HS6ST3: variants seen among roughly 807,000 people sequenced by gnomAD.
HS6ST3 encodes the protein heparan sulfate 6-O-sulfotransferase 3.
A neutral mutation model predicts 36.7 loss-of-function variants in HS6ST3; 12 were observed. The observed-to-expected ratio is 0.33, with a 90% CI of 0.21 to 0.53. The LOEUF is 0.53. HS6ST3 is among the 20% of genes least tolerant of loss of function. The pLI is 0.95. For missense variants in HS6ST3, 584 were observed against 640.9 expected (o/e 0.91, Z 0.96); for synonymous variants, 240 against 257.5 (o/e 0.93, Z 0.65).
intron 1 of HS6ST3, among the ~76,000 whole-genome samples, chr13:96,752,640 A>G (rs1355787319): frequency 6.6e-6 from 1 of 151,948 alleles, no homozygotes; most frequent in East Asian, 1.9e-4. Flanking sequence ...TCATTTTTCT[A>G]CACAATCATT....
At chr13:96,582,855 G>GA (rs1273207871) in intron 1 of HS6ST3, among the ~76,000 whole-genome samples, 2 of 152,110 alleles carry the variant, frequency 1.3e-5, no homozygotes, top group African/African-American at 2.4e-5. Context: ...TAAAATGCAG[G>GA]AAGCCCAGTT....
chr13:96,436,834 A>G (rs1226510036), intron 1 of HS6ST3, among the ~76,000 whole-genome samples: 1 of 152,150 alleles, frequency 6.6e-6, no homozygotes, highest in East Asian at 1.9e-4. Context: ...TGTTTAAGCC[A>G]CCCAGTCCAT....
At chr13:96,517,650 A>G (rs996392913) in intron 1 of HS6ST3, among the ~76,000 whole-genome samples, 1 of 152,084 alleles carries the variant, frequency 6.6e-6, no homozygotes, top group Non-Finnish European at 1.5e-5. Context: ...TTTGCTACAT[A>G]GGTAAACTTG....
At chr13:96,703,662 C>T (rs183296036) in intron 1 of HS6ST3, among the ~76,000 whole-genome samples, 54 of 152,244 alleles carry the variant, frequency 3.5e-4, no homozygotes, top group African/African-American at 1.3e-3. Context: ...GGGCATTTTA[C>T]AAAGGATTCT....
intron 1 of HS6ST3, among the ~76,000 whole-genome samples, chr13:96,466,511 A>G (rs1300074257): frequency 6.6e-6 from 1 of 152,148 alleles, no homozygotes; most frequent in Non-Finnish European, 1.5e-5. Flanking sequence ...TCCACATGTA[A>G]CTGAAATCAT....
At chr13:96,099,839 A>G (rs1348265068) in intron 1 of HS6ST3, among the ~76,000 whole-genome samples, 6 of 152,224 alleles carry the variant, frequency 3.9e-5, no homozygotes, top group African/African-American at 1.4e-4. Context: ...AACCTGAGAG[A>G]TGGCATCTGT....
At chr13:96,602,685 T>A (rs1051198991) in intron 1 of HS6ST3, among the ~76,000 whole-genome samples, 1 of 152,168 alleles carries the variant, frequency 6.6e-6, no homozygotes, top group African/African-American at 2.4e-5. Context: ...CGCCATACTA[T>A]CCTGAAGCCT....
At chr13:96,106,857 G>A (rs1471900851) in intron 1 of HS6ST3, among the ~76,000 whole-genome samples, 1 of 152,188 alleles carries the variant, frequency 6.6e-6, no homozygotes, top group Non-Finnish European at 1.5e-5. Context: ...CTTAGAAGTT[G>A]GGAAAACACA....
chr13:96,675,238 A>T (rs1414687800), intron 1 of HS6ST3, among the ~76,000 whole-genome samples: 1 of 152,046 alleles, frequency 6.6e-6, no homozygotes, highest in East Asian at 1.9e-4. Context: ...ATCACCCTAA[A>T]TCTCTATCTA....
chr13:96,699,882 G>A (rs1875239150), intron 1 of HS6ST3, among the ~76,000 whole-genome samples: 1 of 152,170 alleles, frequency 6.6e-6, no homozygotes, highest in Admixed American at 6.5e-5. Context: ...ATATGCAGAA[G>A]CAAACACAAA....
intron 1 of HS6ST3, among the ~76,000 whole-genome samples, chr13:96,793,331 C>T (rs1203062927): frequency 1.3e-5 from 2 of 152,004 alleles, no homozygotes; most frequent in African/African-American, 2.4e-5. Context: ...GAGAGGTTCT[C>T]CTCACCATTC....
chr13:96,244,012 C>G lies in HS6ST3; in HGVS notation c.707+152443C>G, dbSNP rs371017866. Reference sequence around the variant, plus strand: ...TCAAGATAAACAAACTAAAAAAGGCCCCCCCGAGAATCTTAATTTGTTCAA... The same window carrying G: ...TCAAGATAAACAAACTAAAAAAGGCGCCCCCGAGAATCTTAATTTGTTCAA... On this transcript the variant is annotated intron_variant, in intron 1 of 1. Transcript: ENST00000376705. Among the ~76,000 whole-genome samples, 17 of 150,330 alleles carry G rather than the reference C, an allele frequency of 1.1e-4. 2 individuals carry two copies. Among genetic ancestry groups the G allele is most frequent in the East Asian group, 7.9e-4 (4 of 5,086 alleles).
chr13:96,149,237 A>G (rs1341494348), intron 1 of HS6ST3, among the ~76,000 whole-genome samples: 2 of 152,156 alleles, frequency 1.3e-5, no homozygotes, highest in Non-Finnish European at 2.9e-5. Flanking sequence ...GATACAGTAG[A>G]AAACTATTCT....
intron 1 of HS6ST3, among the ~76,000 whole-genome samples, chr13:96,149,452 C>A (rs1260408892): frequency 6.6e-6 from 1 of 152,096 alleles, no homozygotes; most frequent in Non-Finnish European, 1.5e-5. Flanking sequence ...AAAATGCTCA[C>A]CTCTTATTAA....
intron 1 of HS6ST3, among the ~76,000 whole-genome samples, chr13:96,724,867 T>C (rs1208024890): frequency 6.6e-6 from 1 of 152,234 alleles, no homozygotes; most frequent in African/African-American, 2.4e-5. Flanking sequence ...ACATTTTATT[T>C]CTCTTGAATA....
At chr13:96,760,647 TA>T (rs1354400794) in intron 1 of HS6ST3, among the ~76,000 whole-genome samples, 1 of 152,202 alleles carries the variant, frequency 6.6e-6, no homozygotes, top group African/African-American at 2.4e-5. Flanking sequence ...ATAGATAATA[TA>T]ATCATATATC....
At chr13:96,254,330 C>T (rs2054621398) in intron 1 of HS6ST3, among the ~76,000 whole-genome samples, 1 of 139,808 alleles carries the variant, frequency 7.2e-6, no homozygotes, top group Non-Finnish European at 1.5e-5. Flanking sequence ...AGGAGAATTG[C>T]TTGAACCCGG....
intron 1 of HS6ST3, among the ~76,000 whole-genome samples, chr13:96,765,317 C>A (rs1877079003): frequency 6.6e-6 from 1 of 151,980 alleles, no homozygotes; most frequent in Non-Finnish European, 1.5e-5. Context: ...CCTGATCTGC[C>A]CTCCTTGGCC....
At chr13:96,525,259 G>A (rs1488380982) in intron 1 of HS6ST3, among the ~76,000 whole-genome samples, 1 of 152,140 alleles carries the variant, frequency 6.6e-6, no homozygotes, top group Non-Finnish European at 1.5e-5. Flanking sequence ...ATAGATGGGG[G>A]TGGTTACTTC....
Sources: allele counts gnomAD v4.1 joint callset (sites outside exome capture counted in the v4.1 genomes callset), GRCh38; gene constraint gnomAD v4.1.1; transcripts MANE v1.5; gene names NCBI Gene and HGNC (gene_info 2026-07-23, HGNC 2026-07-21).